Variants in AGAP1 observed in about 807,000 individuals in gnomAD.
AGAP1 encodes ArfGAP with GTPase domain, ankyrin repeat and PH domain 1, also known as arf-GAP with GTPase, ANK repeat and PH domain-containing protein 1.
A neutral mutation model predicts 105.3 loss-of-function variants in AGAP1; 29 were observed. That is an observed-to-expected ratio of 0.28 (90% CI 0.21 to 0.38). The LOEUF (loss-of-function observed/expected upper bound fraction) is 0.38, where lower values mean the gene tolerates loss of function less well. AGAP1 is among the 10% of genes least tolerant of loss of function. The probability of loss-of-function intolerance (pLI) is 1.00; values close to 1 mark genes in which losing one functional copy is unlikely to be tolerated. For synonymous variants in AGAP1, 509 were observed against 485.9 expected (o/e 1.05, Z -0.63); for missense variants, 998 against 1,165.1 (o/e 0.86, Z 2.09).
chr2:235,594,080 C>T (rs538494720), intron 1 of AGAP1, among the ~76,000 whole-genome samples: 273 of 152,168 alleles, frequency 1.8e-3, no homozygotes, highest in African/African-American at 6.0e-3. Flanking sequence ...CATAGGTGCA[C>T]ATGTAGTAAG....
chr2:235,695,852 A>G (rs2149457917), intron 1 of AGAP1, among the ~76,000 whole-genome samples: 1 of 152,308 alleles, frequency 6.6e-6, no homozygotes, highest in Admixed American at 6.5e-5. Context: ...TTTTCTGGAC[A>G]TCAGACAGCA....
intron 13 of AGAP1, among the ~76,000 whole-genome samples, chr2:236,031,270 T>C (rs150146893): frequency 7.0e-4 from 106 of 152,246 alleles, no homozygotes; most frequent in Non-Finnish European, 1.3e-3. Flanking sequence ...TTGCCTTCAC[T>C]AAAGGCCACA....
At chr2:235,778,432 C>G (rs1420617263) in intron 6 of AGAP1, among the ~76,000 whole-genome samples, 2 of 152,180 alleles carry the variant, frequency 1.3e-5, no homozygotes, top group Non-Finnish European at 2.9e-5. Context: ...TCCTGAGAGC[C>G]AGAAGGTTCT....
At chr2:235,679,938 C>T (rs1487156813) in intron 1 of AGAP1, among the ~76,000 whole-genome samples, 1 of 152,202 alleles carries the variant, frequency 6.6e-6, no homozygotes, top group South Asian at 2.1e-4. Context: ...TAATATGATG[C>T]GAATGGTGTT....
intron 10 of AGAP1, among the ~76,000 whole-genome samples, chr2:235,895,369 C>A (rs2050753047): frequency 6.6e-6 from 1 of 152,198 alleles, no homozygotes; most frequent in South Asian, 2.1e-4. Flanking sequence ...CACCTGCTTC[C>A]TGCTCTATCG....
At chr2:235,929,736 C>G (rs939651976) in intron 11 of AGAP1, among the ~76,000 whole-genome samples, 1 of 152,154 alleles carries the variant, frequency 6.6e-6, no homozygotes, top group African/African-American at 2.4e-5. Context: ...TCCCAAGCCC[C>G]ATTCCCAGAG....
At chr2:235,722,033 T>C (rs1268528526) in intron 3 of AGAP1, among the ~76,000 whole-genome samples, 2 of 152,216 alleles carry the variant, frequency 1.3e-5, no homozygotes, top group Non-Finnish European at 2.9e-5. Flanking sequence ...GTAAATACTG[T>C]TTTTCAATTA....
chr2:235,516,055 T>TCTGCTGCTG (rs112761133), intron 1 of AGAP1, among the ~76,000 whole-genome samples: 2,548 of 138,674 alleles, frequency 0.018, 40 homozygotes, highest in African/African-American at 0.044. Flanking sequence ...CATGGGCTCC[T>TCTGCTGCTG]CTGCTGCTGC....
intron 1 of AGAP1, among the ~76,000 whole-genome samples, chr2:235,495,617 CT>C (rs1254400236): frequency 6.6e-6 from 1 of 152,260 alleles, no homozygotes; most frequent in African/African-American, 2.4e-5. Context: ...CCGCTTCCCT[CT>C]GCATGTCAGG....
rs1452881674 is a variant in AGAP1 at position 235,979,135 on chromosome 2, G to A, written c.1645+10512G>A. 7.0e-6 allele frequency among the ~76,000 whole-genome samples: 1 copy of A among 143,536 alleles called. No individual in the cohort carries two copies. Among genetic ancestry groups the A allele is most frequent in the Non-Finnish European group, 1.5e-5 (1 of 66,208 alleles). The allele number at this position is 143,536 out of a possible 152,430, so 94.2% of individuals were successfully genotyped here. ...GTATTTGTGGGGTTTTTTTGTTGTT[G>A]TTTTTGTTTTTTTTTTTTTGGGATA... On this transcript the variant is annotated intron_variant, in intron 13 of 17. Transcript: ENST00000304032. The surrounding 1 kb of genome is among the most constrained non-coding windows in gnomAD (Gnocchi z 4.5).
In AGAP1 at chr2:235,701,764, TG is replaced by T. The variant is rs912420378; in HGVS notation, c.164-7413del. On this transcript the variant is annotated intron_variant, in intron 1 of 17. Coordinates refer to ENST00000304032, the MANE Select transcript of AGAP1 (RefSeq NM_001037131.3). The surrounding 1 kb of genome is among the most constrained non-coding windows in gnomAD (Gnocchi z 4.1). The stretch of plus-strand genomic sequence containing the variant: ...GGGCTCTTTTCCGGCTGCGTTGAAA[TG>T]GATTTCTTTATTCTATTTAAGACTC... 6.6e-6 allele frequency among the ~76,000 whole-genome samples: 1 copy of T among 152,136 alleles called. No homozygotes were observed. Among genetic ancestry groups the T allele is most frequent in the Non-Finnish European group, 1.5e-5 (1 of 68,038 alleles).
At chr2:235,898,571 G>A (rs1466179515) in intron 10 of AGAP1, among the ~76,000 whole-genome samples, 1 of 147,884 alleles carries the variant, frequency 6.8e-6, no homozygotes, top group African/African-American at 2.5e-5. Flanking sequence ...ACCTCAAGTG[G>A]GAACAACACC....
intron 11 of AGAP1, among the ~76,000 whole-genome samples, chr2:235,921,771 AG>A (rs1316523609): frequency 6.6e-6 from 1 of 152,232 alleles, no homozygotes; most frequent in Non-Finnish European, 1.5e-5. Context: ...TTACAAAACA[AG>A]TATCACAGGA....
chr2:235,634,035 T>C (rs1349634014), intron 1 of AGAP1, among the ~76,000 whole-genome samples: 8 of 152,122 alleles, frequency 5.3e-5, no homozygotes, highest in Admixed American at 5.2e-4. Flanking sequence ...GCCGCAGAGT[T>C]GCAGCCTGGT....
At chr2:235,894,487 C>T (rs950646552) in intron 10 of AGAP1, among the ~76,000 whole-genome samples, 1 of 152,140 alleles carries the variant, frequency 6.6e-6, no homozygotes, top group Non-Finnish European at 1.5e-5. Flanking sequence ...TCAAGTCATA[C>T]TGCAGCTCTG....
chr2:235,598,713 G>A (rs749154021), intron 1 of AGAP1, among the ~76,000 whole-genome samples: 2 of 152,170 alleles, frequency 1.3e-5, no homozygotes, highest in African/African-American at 2.4e-5. Context: ...TAACGGAGTC[G>A]TCCCTCCGGG....
rs1254317814 is a variant in AGAP1 at position 235,971,517 on chromosome 2, A to G, written c.1645+2894A>G. Among the ~76,000 whole-genome samples, 1 of 151,934 alleles carries G rather than the reference A, an allele frequency of 6.6e-6. No individual in the cohort carries two copies. The highest frequency in any genetic ancestry group is 1.5e-5 in the Non-Finnish European group (1 of 67,984). Reference sequence around the variant, plus strand: ...AGATCGAGACCATCCTGGCTAACACAATGAAACCCCGTCTCTACTAAAAAT... The same window carrying G: ...AGATCGAGACCATCCTGGCTAACACGATGAAACCCCGTCTCTACTAAAAAT... On this transcript the variant is annotated intron_variant, in intron 13 of 17. Coordinates refer to ENST00000304032, the MANE Select transcript of AGAP1 (RefSeq NM_001037131.3). The surrounding 1 kb of genome is among the most constrained non-coding windows in gnomAD (Gnocchi z 4.8).
rs994426971 is a variant in AGAP1, at chr2:235,642,584, G to T, written c.164-66595G>T. On this transcript the variant is annotated intron_variant, in intron 1 of 17. Coordinates refer to ENST00000304032, the MANE Select transcript of AGAP1 (RefSeq NM_001037131.3). The surrounding 1 kb of genome is among the most constrained non-coding windows in gnomAD (Gnocchi z 4.1). ...CGGGACCATCATCCACCAGGGGCCAGCTGTCCAGAGGCAGACCCACCCTGG... is the reference window on the plus strand; with the variant it reads ...CGGGACCATCATCCACCAGGGGCCATCTGTCCAGAGGCAGACCCACCCTGG... Among the ~76,000 whole-genome samples the T allele has an allele frequency of 2.6e-5, 4 of 152,178 alleles. No individual in the cohort carries two copies. Among genetic ancestry groups the T allele is most frequent in the Non-Finnish European group, 2.9e-5 (2 of 68,040 alleles).
At chr2:235,870,103 T>C (rs1275493781) in intron 9 of AGAP1, among the ~76,000 whole-genome samples, 1 of 152,198 alleles carries the variant, frequency 6.6e-6, no homozygotes, top group Non-Finnish European at 1.5e-5. Flanking sequence ...CACTAGCTAC[T>C]TCACTCTACC....
Sources: allele counts gnomAD v4.1 joint callset (sites outside exome capture counted in the v4.1 genomes callset), GRCh38; gene constraint gnomAD v4.1.1; non-coding constraint Gnocchi (gnomAD v3.1); transcripts MANE v1.5; gene names NCBI Gene and HGNC (gene_info 2026-07-23, HGNC 2026-07-21).